The following SLC9C2 variants were observed in gnomAD, a reference collection of about 807,000 sequenced individuals.
SLC9C2 encodes sodium/hydrogen exchanger 11.
A neutral mutation model predicts 140.2 loss-of-function variants in SLC9C2; 75 were observed. The observed-to-expected ratio is 0.53, with a 90% CI of 0.44 to 0.65. SLC9C2 has a LOEUF of 0.65. SLC9C2 is among the 30% of genes least tolerant of loss of function. The probability of loss-of-function intolerance (pLI) is 0.00; values close to 1 mark genes in which losing one functional copy is unlikely to be tolerated. For synonymous variants in SLC9C2, 375 were observed against 420.9 expected (o/e 0.89, Z 1.34); for missense variants, 1,074 against 1,331.8 (o/e 0.81, Z 3.01).
At chr1:173,550,448 A>ATTTT (rs533259810) in intron 11 of SLC9C2, among the ~76,000 whole-genome samples, 122 of 143,904 alleles carry the variant, frequency 8.5e-4, no homozygotes, top group East Asian at 3.9e-3. Context: ...TTATTTATTT[A>ATTTT]TTTATTTTTG....
At position 173,507,045 on chromosome 1, in the gene SLC9C2, T is replaced by C. The variant is rs41264570; in HGVS notation, c.3040-4A>G. On this transcript the variant is annotated splice_region_variant and splice_polypyrimidine_tract_variant and intron_variant, in intron 24 of 27. Transcript: ENST00000367714. ...CACAGTTCTGAAACCTTAAGTCCTA[T>C]AATAAAATTGCATTTTAGAAAATAA... The C allele has an allele frequency of 1.3e-6, 2 of 1,549,718 alleles. No individual in the cohort carries two copies. Among genetic ancestry groups the C allele is most frequent in the African/African-American group, 1.4e-5 (1 of 71,512 alleles).
At chr1:173,587,099 T>A (rs1276786376) in intron 5 of SLC9C2, among the ~76,000 whole-genome samples, 1 of 152,112 alleles carries the variant, frequency 6.6e-6, no homozygotes, top group Non-Finnish European at 1.5e-5. Flanking sequence ...CCAAATAATA[T>A]GGGAAATAGT....
intron 23 of SLC9C2, among the ~76,000 whole-genome samples, chr1:173,510,844 T>C (rs1659993557): frequency 6.6e-6 from 1 of 152,138 alleles, no homozygotes; most frequent in Non-Finnish European, 1.5e-5. Flanking sequence ...CCTTTGGGTA[T>C]TTACCCAGTA....
intron 18 of SLC9C2, among the ~76,000 whole-genome samples, chr1:173,528,220 A>G (rs1394860938): frequency 6.6e-6 from 1 of 152,206 alleles, no homozygotes; most frequent in East Asian, 1.9e-4. Flanking sequence ...TCAGTTTCAG[A>G]ATAAACACCA....
rs759592669 is a variant in SLC9C2 at position 173,504,348 on chromosome 1, T to C, written c.3310+899A>G. 1.8e-4 allele frequency among the ~76,000 whole-genome samples: 27 copies of C among 152,240 alleles called. 1 individual carries two copies. The highest frequency in any genetic ancestry group is 3.3e-4 in the Admixed American group (5 of 15,294). On this transcript the variant is annotated intron_variant, in intron 26 of 27. Coordinates refer to ENST00000367714, the MANE Select transcript of SLC9C2 (RefSeq NM_178527.4). ...CACCTTATCTGGCTCACTCACCAAT[T>C]GGCACTTGGCACAGTACCCAGCACA...
chr1:173,516,404 C>T (rs1209427793), intron 23 of SLC9C2, among the ~76,000 whole-genome samples: 2 of 152,110 alleles, frequency 1.3e-5, no homozygotes, highest in Non-Finnish European at 2.9e-5. Context: ...CAGATTATTT[C>T]ATCACCCATG....
At chr1:173,540,153 C>A (rs983609853) in intron 13 of SLC9C2, among the ~76,000 whole-genome samples, 1 of 152,164 alleles carries the variant, frequency 6.6e-6, no homozygotes, top group African/African-American at 2.4e-5. Flanking sequence ...GTCCAGCCAA[C>A]TATACAGAAT....
chr1:173,524,858 A>G lies in SLC9C2; in HGVS notation c.2435T>C (p.Ile812Thr). ...GGTGAGATTTTTTAGAGCTTTAGCA[A>G]TCACATTCCGGATTGCCTGTTTAGT... is the stretch of plus-strand genomic sequence containing the variant. ...LKTKQAIRNV[I>T]AKALKNLTFL... The change falls in exon 20 of 28, where the codon ATT becomes ACT. Residue 812 changes from isoleucine (I) to threonine (T), a missense_variant. Physicochemically the swap from Ile to Thr is moderately conservative, Grantham distance 89. Transcript: ENST00000367714. The G allele has an allele frequency of 6.2e-7, 1 of 1,614,138 alleles. No homozygotes were observed. The highest frequency in any genetic ancestry group is 1.1e-5 in the South Asian group (1 of 91,076).
At chr1:173,537,803 T>C (rs111937509) in intron 13 of SLC9C2, among the ~76,000 whole-genome samples, 4 of 152,186 alleles carry the variant, frequency 2.6e-5, no homozygotes, top group African/African-American at 9.7e-5. Context: ...ATAGGCTGTA[T>C]TGTTGTGTCA....
chr1:173,546,397 G>T (rs1223644872), intron 13 of SLC9C2, among the ~76,000 whole-genome samples: 1 of 152,054 alleles, frequency 6.6e-6, no homozygotes, highest in South Asian at 2.1e-4. Context: ...GCTGGGCATG[G>T]TGCCAAAACC....
Position 173,580,257 on chromosome 1 carries a change from A to C in SLC9C2, c.802+1590T>G, listed in dbSNP as rs528640901. ...GACAGGAGGATAATCAGCTCTGGCA[A>C]GCCAGCAAGAGCTATCAGCACACCA... On this transcript the variant is annotated intron_variant, in intron 7 of 27. Coordinates refer to ENST00000367714, the MANE Select transcript of SLC9C2 (RefSeq NM_178527.4). 5.3e-5 allele frequency among the ~76,000 whole-genome samples: 8 copies of C among 152,336 alleles called. No individual in the cohort carries two copies. In the South Asian group the frequency reaches 1.5e-3, roughly 28 times the overall value.
chr1:173,565,864 T>C (rs1664438660), intron 9 of SLC9C2, among the ~76,000 whole-genome samples: 2 of 152,294 alleles, frequency 1.3e-5, no homozygotes, highest in East Asian at 1.9e-4. Context: ...TTTTTTATCA[T>C]GAAGGCATGT....
At position 173,601,731 on chromosome 1, in the gene SLC9C2, A is replaced by T. The variant is rs1666796908; in HGVS notation, c.46T>A (p.Leu16Ile). ...WAQNESNRPD[L>I]LCGQPADYLV... ...TAGTCAGCTGGCTGCCCGCAGAGTA[A>T]ATCAGGTCTGTTACTTTCATTTTGT... is the stretch of plus-strand genomic sequence containing the variant. The change falls in exon 2 of 28, where the codon TTA becomes ATA. Residue 16 changes from leucine to isoleucine, a missense_variant. Coordinates refer to ENST00000367714, the MANE Select transcript of SLC9C2 (RefSeq NM_178527.4). The T allele has an allele frequency of 6.2e-7, 1 of 1,614,088 alleles. No homozygotes were observed. The highest frequency in any genetic ancestry group is 1.3e-5 in the African/African-American group (1 of 75,054).
rs1363638519 is a variant in SLC9C2 at position 173,535,945 on chromosome 1, T to C, written c.1660A>G (p.Met554Val). 1.3e-6 allele frequency: 2 copies of C among 1,503,616 alleles called. No homozygotes were observed. Among genetic ancestry groups the C allele is most frequent in the African/African-American group, 1.5e-5 (1 of 68,430 alleles). The allele number at this position is 1,503,616 out of a possible 1,614,324, so 93.1% of individuals were successfully genotyped here. ...TAAGTTGAAACATCATAAATACTCA[T>C]GAATCTAACAGAGAAAAATGTACAT... is the stretch of plus-strand genomic sequence containing the variant. ...KCYYSIQGKF[M>V]SIYDVSTYMR... is the part of the protein sequence containing the mutation. The change falls in exon 15 of 28, where the codon ATG (methionine) becomes GTG (valine). Residue 554 changes from methionine (M) to valine (V), a missense_variant. Physicochemically the swap from Met to Val is conservative, Grantham distance 21 (BLOSUM62 1). Transcript: ENST00000367714.
intron 9 of SLC9C2, among the ~76,000 whole-genome samples, chr1:173,563,089 G>A (rs1265364949): frequency 1.3e-5 from 2 of 151,728 alleles, no homozygotes; most frequent in Non-Finnish European, 2.9e-5. Context: ...AGCCACGGGG[G>A]GCCAGGATGA....
At chr1:173,600,243 C>G in intron 2 of SLC9C2, 26 bp from the exon 3 acceptor site, 1 of 1,530,606 alleles carries the variant, frequency 6.5e-7, no homozygotes, top group South Asian at 1.1e-5. Flanking sequence ...AGAATAGTTG[C>G]ATGAGTACTC....
At chr1:173,570,981 T>C (rs1664809046) in intron 9 of SLC9C2, among the ~76,000 whole-genome samples, 1 of 152,188 alleles carries the variant, frequency 6.6e-6, no homozygotes, top group Non-Finnish European at 1.5e-5. Flanking sequence ...TTCTGCAATA[T>C]GAATTTTAAA....
intron 13 of SLC9C2, among the ~76,000 whole-genome samples, chr1:173,537,570 A>T (rs1662063524): frequency 6.6e-6 from 1 of 150,446 alleles, no homozygotes; most frequent in African/African-American, 2.5e-5. Context: ...TCAAAAATTT[A>T]TATGTGTGTG....
intron 16 of SLC9C2, 135 bp from the exon 17 acceptor site, chr1:173,533,932 G>A: frequency 3.1e-6 from 3 of 964,164 alleles, no homozygotes; most frequent in Admixed American, 3.9e-5. Context: ...TTATTCATTT[G>A]GAATCCCCCC....
Sources: gnomAD v4.1 joint callset for allele counts (sites outside exome capture counted in the v4.1 genomes callset) on GRCh38, gnomAD v4.1.1 for gene constraint, MANE v1.5 for transcripts, NCBI Gene and HGNC (gene_info 2026-07-23, HGNC 2026-07-21) for gene names.